Variants in THRB observed in about 807,000 individuals in gnomAD.
The protein encoded by THRB is thyroid hormone receptor beta.
In THRB, 12 loss-of-function variants were observed where a neutral mutation model predicts 47.8. The observed-to-expected ratio is 0.25, with a 90% CI of 0.16 to 0.41. The LOEUF is 0.41. Ranked by LOEUF, THRB falls within the 10% of genes least tolerant of loss-of-function variation. THRB has a pLI of 1.00. For synonymous variants in THRB, 218 were observed against 212.2 expected (o/e 1.03, Z -0.24); for missense variants, 348 against 589.2 (o/e 0.59, Z 4.24).
intron 1 of THRB, among the ~76,000 whole-genome samples, chr3:24,352,245 A>G (rs536290275): frequency 3.3e-4 from 50 of 152,338 alleles, no homozygotes; most frequent in African/African-American, 1.2e-3. Flanking sequence ...CATTCCTGTT[A>G]GTACTATTAA....
At chr3:24,209,102 C>A (rs2045730911) in intron 4 of THRB, among the ~76,000 whole-genome samples, 1 of 152,186 alleles carries the variant, frequency 6.6e-6, no homozygotes, top group Non-Finnish European at 1.5e-5. Context: ...AATCACTGGC[C>A]ATCAGAGAAA....
chr3:24,248,250 C>G (rs2050308369), intron 3 of THRB, among the ~76,000 whole-genome samples: 1 of 152,036 alleles, frequency 6.6e-6, no homozygotes, highest in Non-Finnish European at 1.5e-5. Context: ...ACCCTAACCC[C>G]ACGCATTGAG....
intron 3 of THRB, among the ~76,000 whole-genome samples, chr3:24,271,326 G>A (rs1047207273): frequency 6.6e-6 from 1 of 152,150 alleles, no homozygotes; most frequent in Non-Finnish European, 1.5e-5. Flanking sequence ...CTCAGGATCA[G>A]CAGCTCAAAA....
chr3:24,184,876 C>T (rs1479004460), intron 5 of THRB, among the ~76,000 whole-genome samples: 4 of 152,174 alleles, frequency 2.6e-5, no homozygotes, highest in African/African-American at 7.2e-5. Flanking sequence ...TACTCATTCA[C>T]CTGGAGATGC....
intron 2 of THRB, among the ~76,000 whole-genome samples, chr3:24,336,158 G>A (rs560377479): frequency 3.3e-5 from 5 of 152,190 alleles, no homozygotes; most frequent in Non-Finnish European, 5.9e-5. Flanking sequence ...TTTTTGATAT[G>A]AGAACTATGG....
At chr3:24,242,658 G>T (rs1034136917) in intron 3 of THRB, among the ~76,000 whole-genome samples, 3 of 152,174 alleles carry the variant, frequency 2.0e-5, no homozygotes, top group Non-Finnish European at 4.4e-5. Context: ...AACACTGTTT[G>T]TTGAGTGAAT....
intron 1 of THRB, among the ~76,000 whole-genome samples, chr3:24,457,325 G>C (rs1222247017): frequency 6.6e-6 from 1 of 152,080 alleles, no homozygotes; most frequent in East Asian, 1.9e-4. Context: ...TTTTGTCCAT[G>C]AGACCCTTCT....
At chr3:24,383,307 CATCCATCCATAT>C (rs2065848529) in intron 1 of THRB, among the ~76,000 whole-genome samples, 1 of 152,102 alleles carries the variant, frequency 6.6e-6, no homozygotes. Context: ...CTCATCCATT[CATCCATCCATAT>C]ATCCATCCAT....
intron 1 of THRB, among the ~76,000 whole-genome samples, chr3:24,349,064 C>A (rs758510102): frequency 3.0e-4 from 46 of 151,962 alleles, no homozygotes; most frequent in Non-Finnish European, 6.0e-4. Flanking sequence ...ATTCTATATA[C>A]CAACGACAAA....
chr3:24,281,161 G>T (rs2054551555), intron 3 of THRB, among the ~76,000 whole-genome samples: 1 of 151,944 alleles, frequency 6.6e-6, no homozygotes, highest in African/African-American at 2.4e-5. Flanking sequence ...TGAAATGAAG[G>T]AAAAAATGTT....
At chr3:24,129,728 C>A (rs1400728887) in intron 9 of THRB, among the ~76,000 whole-genome samples, 2 of 151,754 alleles carry the variant, frequency 1.3e-5, no homozygotes, top group African/African-American at 4.8e-5. Context: ...GGCAGAGATG[C>A]AGGGATACTC....
chr3:24,289,250 A>G (rs1438219651), intron 3 of THRB, among the ~76,000 whole-genome samples: 1 of 152,254 alleles, frequency 6.6e-6, no homozygotes, highest in Non-Finnish European at 1.5e-5. Flanking sequence ...ATCTTTAGGT[A>G]GACAACTTCA....
At chr3:24,243,903 G>A (rs2049841604) in intron 3 of THRB, among the ~76,000 whole-genome samples, 1 of 96,222 alleles carries the variant, frequency 1.0e-5, no homozygotes, top group African/African-American at 3.5e-5. Context: ...GGTGCTGAAT[G>A]GAGGAAGGGA....
chr3:24,194,841 G>C (rs969160059), intron 4 of THRB, among the ~76,000 whole-genome samples: 1 of 152,194 alleles, frequency 6.6e-6, no homozygotes, highest in Non-Finnish European at 1.5e-5. Context: ...CCTTAGAAAA[G>C]AGCTAAAGCA....
chr3:24,288,843 T>C (rs9812496), intron 3 of THRB, among the ~76,000 whole-genome samples: 19 of 152,220 alleles, frequency 1.2e-4, no homozygotes, highest in African/African-American at 4.6e-4. Flanking sequence ...GTTAGGATTG[T>C]TTTGTGAAAC....
intron 1 of THRB, among the ~76,000 whole-genome samples, chr3:24,448,056 T>G (rs1213105998): frequency 6.6e-6 from 1 of 152,044 alleles, no homozygotes; most frequent in African/African-American, 2.4e-5. Context: ...AACTACTTAT[T>G]TCTTTATAGT....
chr3:24,263,187 C>A (rs1181767857), intron 3 of THRB, among the ~76,000 whole-genome samples: 1 of 152,164 alleles, frequency 6.6e-6, no homozygotes, highest in Non-Finnish European at 1.5e-5. Context: ...CCAATCCCAC[C>A]TTGCCTGCTG....
intron 1 of THRB, among the ~76,000 whole-genome samples, chr3:24,357,363 AAAAAAAAAAAAC>A (rs1175020064): frequency 2.0e-5 from 3 of 147,708 alleles, no homozygotes; most frequent in Non-Finnish European, 4.5e-5. Context: ...AAAAAAAAAA[AAAAAAAAAAAAC>A]AAAAAACAAA....
intron 5 of THRB, among the ~76,000 whole-genome samples, chr3:24,182,228 C>CA (rs142372187): frequency 0.27 from 41,493 of 151,372 alleles, 5,812 homozygotes; most frequent in Admixed American, 0.36. Flanking sequence ...AAAAAACAAA[C>CA]AAAAAAAAGA....
Sources: gnomAD v4.1 joint callset for allele counts (sites outside exome capture counted in the v4.1 genomes callset) on GRCh38, gnomAD v4.1.1 for gene constraint, MANE v1.5 for transcripts, NCBI Gene and HGNC (gene_info 2026-07-23, HGNC 2026-07-21) for gene names.